NSD1: variants seen among roughly 807,000 people sequenced by gnomAD.
NSD1 encodes histone-lysine N-methyltransferase, H3 lysine-36 specific.
NSD1 carries 26 observed loss-of-function variants against 242.7 expected under a neutral mutation model. The ratio of observed to expected loss-of-function variants is 0.11; its 90% confidence interval spans 0.08 to 0.15. The LOEUF (loss-of-function observed/expected upper bound fraction) is 0.15. Ranked by LOEUF, NSD1 falls within the 10% of genes least tolerant of loss-of-function variation. The pLI, the probability that NSD1 is intolerant of heterozygous loss-of-function variation, is 1.00. For synonymous variants in NSD1, 1,106 were observed against 1,178.1 expected, an observed-to-expected ratio of 0.94 and a Z score of 1.25; for missense variants, 2,495 against 3,272.8, an observed-to-expected ratio of 0.76 and a Z score of 5.80.
At position 177,209,666 on chromosome 5, in the gene NSD1, G is replaced by A. The variant is rs1763176769; in HGVS notation, c.1267G>A (p.Ala423Thr). Reference protein sequence around the residue: ...VPQKILSKWEASVGLAEQYDV... With the variant: ...VPQKILSKWETSVGLAEQYDV... ...TCAGAAAATTTTGAGTAAATGGGAA[G>A]CCAGTGTTGGACTTGCAGAACAGTA... Residue 423 changes from alanine (A) to threonine (T), a missense_variant, in exon 5 of 23, where the codon GCC (alanine) becomes ACC (threonine). By Grantham distance (58) the Ala-to-Thr change is moderately conservative. Around this residue, in one of 19 missense-constraint regions of NSD1, gnomAD observed 65 missense variants for 136.2 expected, o/e 0.48. Coordinates refer to ENST00000439151, the MANE Select transcript of NSD1 (RefSeq NM_022455.5). 2 of 1,613,886 alleles carry A rather than the reference G, an allele frequency of 1.2e-6. No individual in the cohort carries two copies. The highest frequency in any genetic ancestry group is 1.7e-6 in the Non-Finnish European group (2 of 1,179,936).
At chr5:177,264,690 T>G (rs1757275613) in intron 14 of NSD1, 11 of 550,582 alleles carry the variant, frequency 2.0e-5, no homozygotes, top group South Asian at 1.9e-4. Flanking sequence ...CACTCTTATT[T>G]TAAGAGCTTG....
rs535674820 is a variant in NSD1, at chr5:177,209,689, G to A, written c.1290G>A (p.Gln430=). 3.7e-6 allele frequency: 6 copies of A among 1,614,012 alleles called. No homozygotes were observed. In the African/African-American group the frequency reaches 5.3e-5, roughly 14 times the overall value. Residue 430 remains glutamine, a synonymous_variant, in exon 5 of 23, where the codon CAG becomes CAA. Coordinates refer to ENST00000439151, the MANE Select transcript of NSD1 (RefSeq NM_022455.5). The part of the protein sequence containing the change: ...KWEASVGLAE[Q]YDVPKGSKNR... ...AAGCCAGTGTTGGACTTGCAGAACAGTATGATGTTCCCAAGGGGTCAAAGA... is the reference window on the plus strand; with the variant it reads ...AAGCCAGTGTTGGACTTGCAGAACAATATGATGTTCCCAAGGGGTCAAAGA...
chr5:177,280,184 A>G (rs1342383521), intron 17 of NSD1, among the ~76,000 whole-genome samples: 1 of 150,596 alleles, frequency 6.6e-6, no homozygotes, highest in Non-Finnish European at 1.5e-5. Flanking sequence ...TCACCGTGTT[A>G]GCCAGGATGG....
At chr5:177,199,875 G>A (rs1762384608) in intron 3 of NSD1, among the ~76,000 whole-genome samples, 1 of 151,006 alleles carries the variant, frequency 6.6e-6, no homozygotes, top group African/African-American at 2.4e-5. Flanking sequence ...GATTACAGGA[G>A]CGAGCCACCA....
chr5:177,299,299 G>C lies in NSD1; in HGVS notation c.*3840G>C. On this transcript the variant is annotated 3_prime_UTR_variant, in exon 23 of 23. Coordinates refer to ENST00000439151, the MANE Select transcript of NSD1 (RefSeq NM_022455.5). The stretch of plus-strand genomic sequence containing the variant: ...TTGGGAGGAGATTTTATGTAGAAAA[G>C]TTTGAGGCTTTGTTAAAAGTGGGGA... 1 of 233,314 alleles carries C rather than the reference G, an allele frequency of 4.3e-6. No homozygotes were observed. The allele number at this position is 233,314 out of a possible 1,614,324, so 14.5% of individuals were successfully genotyped here.
chr5:177,200,216 G>T (rs1762412776), intron 3 of NSD1, among the ~76,000 whole-genome samples: 1 of 151,994 alleles, frequency 6.6e-6, no homozygotes, highest in South Asian at 2.1e-4. Flanking sequence ...TCAGCCTCCT[G>T]AGTAGCTGGG....
chr5:177,217,012 A>G (rs1174682825), intron 5 of NSD1, among the ~76,000 whole-genome samples: 4 of 150,014 alleles, frequency 2.7e-5, no homozygotes, highest in African/African-American at 9.8e-5. Flanking sequence ...ATTACACACT[A>G]ATTTAGGATA....
intron 14 of NSD1, among the ~76,000 whole-genome samples, chr5:177,261,409 T>C (rs1756994948): frequency 1.3e-5 from 2 of 152,180 alleles, no homozygotes; most frequent in South Asian, 4.1e-4. Context: ...ATACTTGTTT[T>C]TTAGAGCAGA....
At chr5:177,246,614 A>G (rs1766314890) in intron 9 of NSD1, 64 bp from the exon 10 acceptor site, 1 of 1,083,014 alleles carries the variant, frequency 9.2e-7, no homozygotes, top group South Asian at 1.3e-5. Flanking sequence ...TTCTAATAAT[A>G]GGATAAGAGA....
chr5:177,205,028 TTTTG>T (rs1170079317), intron 4 of NSD1, among the ~76,000 whole-genome samples: 2 of 152,232 alleles, frequency 1.3e-5, no homozygotes, highest in South Asian at 2.1e-4. Flanking sequence ...AATGTGGTTT[TTTTG>T]TTTGTTTGTT....
chr5:177,261,151 T>C (rs1756964655), intron 14 of NSD1, among the ~76,000 whole-genome samples: 1 of 151,218 alleles, frequency 6.6e-6, no homozygotes, highest in Admixed American at 6.6e-5. Flanking sequence ...CCACTCCCCA[T>C]CCCTCCCCCA....
In NSD1 at chr5:177,294,682, A is replaced by T; in HGVS notation, c.7314A>T (p.Ala2438=). ...AGACCCTTGTAGCTAAAGAAAAAGC[A>T]CTGAGGCCTGTGGACCAGAATACTC... The part of the protein sequence containing the change: ...VVQTLVAKEK[A]LRPVDQNTQS... Residue 2438 remains alanine, a synonymous_variant, in exon 23 of 23, where the codon GCA becomes GCT. Transcript: ENST00000439151. The T allele has an allele frequency of 1.9e-6, 3 of 1,614,194 alleles. No individual in the cohort carries two copies. Among genetic ancestry groups the T allele is most frequent in the Non-Finnish European group, 2.5e-6 (3 of 1,180,030 alleles).
Position 177,238,633 on chromosome 5 carries a change from GAAATACTTA to G in NSD1, c.4192+131_4192+139del, listed in dbSNP as rs1182451427. 23 of 1,062,978 alleles carry G rather than the reference GAAATACTTA, an allele frequency of 2.2e-5. No homozygotes were observed. Among genetic ancestry groups the G allele is most frequent in the Non-Finnish European group, 3.0e-5 (21 of 704,486 alleles). The allele number at this position is 1,062,978 out of a possible 1,614,324, so 65.8% of individuals were successfully genotyped here. ...AATAAACTACCCCCTTTTGTCCTGGGAAATACTTAAAATGATGGTTAATTAGATATAGTT... is the reference window on the plus strand; with the variant it reads ...AATAAACTACCCCCTTTTGTCCTGGGAAATGATGGTTAATTAGATATAGTT... On this transcript the variant is annotated intron_variant, in intron 7 of 22. Transcript: ENST00000439151. The surrounding 1 kb of genome is among the most constrained non-coding windows in gnomAD (Gnocchi z 4.6).
rs1399421132 is a variant in NSD1 at position 177,135,305 on chromosome 5, T to G, written c.202T>G (p.Cys68Gly). The G allele has an allele frequency of 6.2e-7, 1 of 1,613,520 alleles. No individual in the cohort carries two copies. Among genetic ancestry groups the G allele is most frequent in the Non-Finnish European group, 8.5e-7 (1 of 1,179,442 alleles). ...QNAYGQDSPS[C>G]YIPLRRLQDL... is the part of the protein sequence containing the mutation. ...TGCTTATGGACAAGATTCTCCATCT[T>G]GTTACATTCCACTGCGGAGACTACA... Residue 68 changes from cysteine to glycine, a missense_variant, in exon 2 of 23, where the codon TGT (cysteine) becomes GGT (glycine). Physicochemically the swap from Cys to Gly is radical, Grantham distance 159. This residue lies in a region of NSD1 where 376 missense variants were observed against 367.4 expected (regional missense o/e 1.02). Coordinates refer to ENST00000439151, the MANE Select transcript of NSD1 (RefSeq NM_022455.5).
At chr5:177,186,238 C>T (rs1484135547) in intron 2 of NSD1, among the ~76,000 whole-genome samples, 3 of 148,216 alleles carry the variant, frequency 2.0e-5, no homozygotes, top group Non-Finnish European at 3.0e-5. Flanking sequence ...CTGCAATGGG[C>T]TGTGATCACA....
At chr5:177,233,893 G>A (rs188463241) in intron 5 of NSD1, among the ~76,000 whole-genome samples, 2 of 152,286 alleles carry the variant, frequency 1.3e-5, no homozygotes, top group East Asian at 1.9e-4. Context: ...CTAGATTGAT[G>A]AAGAGTAAAT....
chr5:177,133,665 G>A (rs1460490682), upstream of NSD1: 1 of 149,400 alleles, frequency 6.7e-6, no homozygotes, highest in Non-Finnish European at 1.5e-5. The surrounding 1 kb of genome is among the most constrained non-coding windows in gnomAD (Gnocchi z 6.2). Context: ...CGCTCGGTGG[G>A]GGAAGGGGTG....
chr5:177,266,770 A>G (rs897709098), intron 14 of NSD1: 5 of 244,008 alleles, frequency 2.0e-5, no homozygotes, highest in East Asian at 8.4e-5. Context: ...GCATGTTTGA[A>G]TCATGCTCAT....
At position 177,139,166 on chromosome 5, in the gene NSD1, A is replaced by T. The variant is rs1254060557; in HGVS notation, c.927+3136A>T. ...TTTGGGAGGCTGAGGCAGGAGAATC[A>T]CTTGAACCCGGGAGGCTGAGGTTGC... is the stretch of plus-strand genomic sequence containing the variant. On this transcript the variant is annotated intron_variant, in intron 2 of 22. Transcript: ENST00000439151. Among the ~76,000 whole-genome samples the T allele has an allele frequency of 3.3e-5, 5 of 151,780 alleles. No individual in the cohort carries two copies. In the East Asian group the frequency reaches 9.8e-4, roughly 30 times the overall value.
Sources: allele counts gnomAD v4.1 joint callset (sites outside exome capture counted in the v4.1 genomes callset), GRCh38; gene constraint gnomAD v4.1.1; regional missense constraint gnomAD v4.1.1; non-coding constraint Gnocchi (gnomAD v3.1); transcripts MANE v1.5; gene names NCBI Gene and HGNC (gene_info 2026-07-23, HGNC 2026-07-21).